Variants in KIAA1549L observed in about 807,000 individuals in gnomAD.
KIAA1549L encodes the protein UPF0606 protein KIAA1549L.
Under a neutral mutation model 160.7 loss-of-function variants are expected in KIAA1549L, and 88 were observed. The observed-to-expected ratio is 0.55, with a 90% CI of 0.46 to 0.65. The LOEUF is 0.65. Among genes scored for constraint, KIAA1549L ranks in the 30% least tolerant of loss-of-function variants. The pLI is 0.00. For missense variants in KIAA1549L, 2,258 were observed against 2,437.5 expected, an observed-to-expected ratio of 0.93 and a Z score of 1.55; for synonymous variants, 950 against 976.7, an observed-to-expected ratio of 0.97 and a Z score of 0.51.
At chr11:33,470,319 A>G (rs1343783832) in intron 1 of KIAA1549L, among the ~76,000 whole-genome samples, 1 of 152,176 alleles carries the variant, frequency 6.6e-6, no homozygotes. Context: ...AAATCAATTG[A>G]CCGTAAATGT....
chr11:33,573,604 TA>T (rs1292952619), intron 9 of KIAA1549L, among the ~76,000 whole-genome samples: 1 of 152,208 alleles, frequency 6.6e-6, no homozygotes, highest in East Asian at 1.9e-4. Flanking sequence ...TTTTTACTGT[TA>T]TAAACAATGT....
At chr11:33,389,057 C>A (rs545940334) in intron 1 of KIAA1549L, among the ~76,000 whole-genome samples, 4 of 152,308 alleles carry the variant, frequency 2.6e-5, no homozygotes, top group African/African-American at 7.2e-5. Flanking sequence ...TAAATCTATT[C>A]TTAGCTAGAA....
intron 1 of KIAA1549L, among the ~76,000 whole-genome samples, chr11:33,477,801 A>G (rs1852321657): frequency 6.6e-6 from 1 of 151,912 alleles, no homozygotes; most frequent in African/African-American, 2.4e-5. Flanking sequence ...CACCCAGCAC[A>G]GTGTCTGATC....
intron 1 of KIAA1549L, among the ~76,000 whole-genome samples, chr11:33,518,426 A>T (rs1254281611): frequency 1.3e-5 from 2 of 152,186 alleles, no homozygotes; most frequent in Non-Finnish European, 2.9e-5. Context: ...CTTTCCCTTG[A>T]GTATGATCCT....
At chr11:33,594,490 G>T (rs1850147313) in intron 12 of KIAA1549L, among the ~76,000 whole-genome samples, 1 of 152,142 alleles carries the variant, frequency 6.6e-6, no homozygotes, top group African/African-American at 2.4e-5. Flanking sequence ...AATACCCCAG[G>T]TAGCAAGGGC....
chr11:33,377,446 A>G (rs1393415640), intron 1 of KIAA1549L, among the ~76,000 whole-genome samples: 3 of 152,206 alleles, frequency 2.0e-5, no homozygotes, highest in Non-Finnish European at 2.9e-5. Flanking sequence ...TTTGCAGGTT[A>G]GTTAAAAATA....
At chr11:33,476,304 T>C (rs1375729794) in intron 1 of KIAA1549L, among the ~76,000 whole-genome samples, 1 of 152,076 alleles carries the variant, frequency 6.6e-6, no homozygotes, top group Admixed American at 6.5e-5. Context: ...TTGGCGAAGC[T>C]CACCTCCATC....
At chr11:33,593,915 G>T (rs1850132194) in intron 12 of KIAA1549L, among the ~76,000 whole-genome samples, 1 of 152,078 alleles carries the variant, frequency 6.6e-6, no homozygotes, top group African/African-American at 2.4e-5. Context: ...GAATCACCTA[G>T]GAGAGTACAG....
chr11:33,559,673 C>G (rs1003478788), intron 6 of KIAA1549L, 76 bp from the exon 7 acceptor site: 54 of 1,295,928 alleles, frequency 4.2e-5, no homozygotes, highest in South Asian at 6.3e-5. Flanking sequence ...TAGCCTCCCC[C>G]TCCCATGGCC....
In KIAA1549L at chr11:33,536,154, C is replaced by T. The variant is rs79283118; in HGVS notation, c.239-5648C>T. On this transcript the variant is annotated intron_variant, in intron 1 of 20. Coordinates refer to ENST00000658780, the MANE Select transcript of KIAA1549L (RefSeq NM_012194.3). Reference sequence around the variant, plus strand: ...TTCCCAGAAGTGAGGGACACGACCACACATATACTATTTCAGTTATTATTA... The same window carrying T: ...TTCCCAGAAGTGAGGGACACGACCATACATATACTATTTCAGTTATTATTA... Among the ~76,000 whole-genome samples the T allele has an allele frequency of 2.9e-3, 437 of 152,320 alleles. 13 individuals carry two copies. The East Asian group carries it at 0.064, about 22-fold the overall frequency.
At position 33,583,324 on chromosome 11, in the gene KIAA1549L, G is replaced by A. The variant is rs761178523; in HGVS notation, c.4403-14G>A. On this transcript the variant is annotated splice_polypyrimidine_tract_variant and intron_variant, in intron 10 of 20. Coordinates refer to ENST00000658780, the MANE Select transcript of KIAA1549L (RefSeq NM_012194.3). ...GTTGCTTGTCATGTCCCTCCTGCTG[G>A]CTCTTTCCCACAGCCGTGGTGAAGA... 3 of 1,593,590 alleles carry A rather than the reference G, an allele frequency of 1.9e-6. No homozygotes were observed. The highest frequency in any genetic ancestry group is 1.7e-5 in the Admixed American group (1 of 57,282).
intron 1 of KIAA1549L, among the ~76,000 whole-genome samples, chr11:33,443,255 C>A (rs1283043802): frequency 2.6e-5 from 4 of 152,032 alleles, no homozygotes; most frequent in African/African-American, 4.8e-5. Flanking sequence ...CTGCCTTGGC[C>A]TCCCACAGTG....
chr11:33,566,383 T>G (rs2133229930), intron 8 of KIAA1549L, among the ~76,000 whole-genome samples: 1 of 152,306 alleles, frequency 6.6e-6, no homozygotes, highest in South Asian at 2.1e-4. Context: ...GGCTTTTCTG[T>G]CTGGGGACAA....
At chr11:33,502,851 G>A (rs865862245) in intron 1 of KIAA1549L, among the ~76,000 whole-genome samples, 7 of 152,144 alleles carry the variant, frequency 4.6e-5, no homozygotes, top group Non-Finnish European at 8.8e-5. Flanking sequence ...GAGATAAAAC[G>A]TAACCTTGTA....
intron 1 of KIAA1549L, among the ~76,000 whole-genome samples, chr11:33,459,675 C>T (rs1851898692): frequency 6.6e-6 from 1 of 152,146 alleles, no homozygotes; most frequent in African/African-American, 2.4e-5. Context: ...AAATAGCCTT[C>T]ATCGGGCCGG....
chr11:33,452,074 C>T (rs149503489), intron 1 of KIAA1549L, among the ~76,000 whole-genome samples: 1 of 152,134 alleles, frequency 6.6e-6, no homozygotes, highest in African/African-American at 2.4e-5. Context: ...TCCAAAATCC[C>T]AGTAGAGGAG....
rs367688505 is a variant in KIAA1549L at position 33,409,092 on chromosome 11, G to C, written c.238+32203G>C. ...AACGGTGTGAATGATGCTAGAGGGA[G>C]GGGGGACAGGTATCATAGCATCTGT... On this transcript the variant is annotated intron_variant, in intron 1 of 20. Transcript: ENST00000658780. Among the ~76,000 whole-genome samples, 3 of 152,114 alleles carry C rather than the reference G, an allele frequency of 2.0e-5. No individual in the cohort carries two copies. In the South Asian group the frequency reaches 6.2e-4, roughly 32 times the overall value.
At chr11:33,411,027 G>A (rs1850774806) in intron 1 of KIAA1549L, among the ~76,000 whole-genome samples, 1 of 152,140 alleles carries the variant, frequency 6.6e-6, no homozygotes, top group Admixed American at 6.6e-5. Flanking sequence ...CAGTTTAGGG[G>A]AGTGGAGCAG....
At chr11:33,594,048 CAAAG>C (rs989262998) in intron 12 of KIAA1549L, among the ~76,000 whole-genome samples, 19 of 151,902 alleles carry the variant, frequency 1.3e-4, no homozygotes, top group Non-Finnish European at 4.4e-5. Flanking sequence ...ATGAGAAGAA[CAAAG>C]AGAGAGTAAG....
Sources: gnomAD v4.1 joint callset for allele counts (sites outside exome capture counted in the v4.1 genomes callset) on GRCh38, gnomAD v4.1.1 for gene constraint, MANE v1.5 for transcripts, NCBI Gene and HGNC (gene_info 2026-07-23, HGNC 2026-07-21) for gene names.